SLIT2: variants seen among roughly 807,000 people sequenced by gnomAD.
The protein encoded by SLIT2 is slit homolog 2 protein.
Under a neutral mutation model 185.7 loss-of-function variants are expected in SLIT2, and 41 were observed. The ratio of observed to expected loss-of-function variants is 0.22; its 90% confidence interval spans 0.17 to 0.29. SLIT2 has a LOEUF of 0.29. Among genes scored for constraint, SLIT2 ranks in the 10% least tolerant of loss-of-function variants. SLIT2 has a pLI of 1.00. For missense variants in SLIT2, 1,571 were observed against 1,909.0 expected (o/e 0.82, Z 3.30); for synonymous variants, 693 against 680.2 (o/e 1.02, Z -0.29).
rs1727997990 is a variant in SLIT2, at chr4:20,596,562, T to C, written c.3468T>C (p.Cys1156=). Residue 1156 remains cysteine (C), a synonymous_variant, in exon 32 of 37, where the codon TGT becomes TGC. Transcript: ENST00000504154. ...TGCCTGGCTATCAGGGAGAAAAGTG[T>C]GAAAAATTGGTTAGTGTGAATTTTA... ...QCLPGYQGEK[C]EKLVSVNFIN... is the part of the protein sequence containing the mutation. 3 of 1,614,060 alleles carry C rather than the reference T, an allele frequency of 1.9e-6. No individual in the cohort carries two copies. The highest frequency in any genetic ancestry group is 2.7e-5 in the African/African-American group (2 of 75,036).
At chr4:20,424,814 C>T (rs1437467247) in intron 4 of SLIT2, among the ~76,000 whole-genome samples, 1 of 151,918 alleles carries the variant, frequency 6.6e-6, no homozygotes, top group African/African-American at 2.4e-5. Context: ...TCTATATATC[C>T]CTTAGTGGAT....
At chr4:20,296,349 A>G (rs1716475794) in intron 4 of SLIT2, among the ~76,000 whole-genome samples, 1 of 152,236 alleles carries the variant, frequency 6.6e-6, no homozygotes. Flanking sequence ...GTAATTTTTC[A>G]GTTACACAAA....
intron 4 of SLIT2, among the ~76,000 whole-genome samples, chr4:20,381,909 G>A (rs1365855455): frequency 7.7e-6 from 1 of 129,520 alleles, no homozygotes; most frequent in Non-Finnish European, 1.8e-5. Flanking sequence ...TAATACATAT[G>A]TATTTGTATA....
In SLIT2 at chr4:20,450,506, G is replaced by A. The variant is rs184388781; in HGVS notation, c.396-17246G>A. On this transcript the variant is annotated intron_variant, in intron 4 of 36. Transcript: ENST00000504154. Reference sequence around the variant, plus strand: ...CCATTGAAGTAGAAGGGACCCTTACGTTCTGCCAGAGAACACATGACTCAC... The same window carrying A: ...CCATTGAAGTAGAAGGGACCCTTACATTCTGCCAGAGAACACATGACTCAC... 1.7e-3 allele frequency among the ~76,000 whole-genome samples: 258 copies of A among 152,182 alleles called. 2 individuals are homozygous for A. The highest frequency in any genetic ancestry group is 5.7e-3 in the African/African-American group (237 of 41,522).
intron 4 of SLIT2, among the ~76,000 whole-genome samples, chr4:20,277,729 AG>A (rs1243106999): frequency 1.6e-4 from 24 of 147,864 alleles, no homozygotes; most frequent in East Asian, 1.0e-3. Flanking sequence ...TCATGATGAA[AG>A]ATTTTCATCA....
At chr4:20,617,219 A>C in intron 35 of SLIT2, 21 bp downstream of exon 35, 2 of 1,351,192 alleles carry the variant, frequency 1.5e-6, no homozygotes, top group Non-Finnish European at 2.0e-6. Flanking sequence ...GCTGCTTGGG[A>C]GTTGAGCACA....
chr4:20,368,431 A>G (rs1052532914), intron 4 of SLIT2, among the ~76,000 whole-genome samples: 2 of 151,888 alleles, frequency 1.3e-5, no homozygotes, highest in South Asian at 2.1e-4. Context: ...TCTAAGCACA[A>G]CTTTTTTTTG....
At chr4:20,373,784 G>C (rs1208796496) in intron 4 of SLIT2, among the ~76,000 whole-genome samples, 1 of 152,036 alleles carries the variant, frequency 6.6e-6, no homozygotes, top group Non-Finnish European at 1.5e-5. Context: ...CAATTCAAGA[G>C]CAATGATAAT....
intron 4 of SLIT2, among the ~76,000 whole-genome samples, chr4:20,329,717 AG>A (rs1462165864): frequency 6.6e-5 from 10 of 152,190 alleles, no homozygotes; most frequent in African/African-American, 2.4e-4. Context: ...TAACAGTCTA[AG>A]CTGATTTGAT....
At chr4:20,460,850 C>T (rs1459091245) in intron 4 of SLIT2, among the ~76,000 whole-genome samples, 1 of 152,124 alleles carries the variant, frequency 6.6e-6, no homozygotes, top group Non-Finnish European at 1.5e-5. Flanking sequence ...CAGAATTTTA[C>T]TAAATAACAG....
chr4:20,504,162 C>A (rs1718989871), intron 9 of SLIT2, among the ~76,000 whole-genome samples: 1 of 152,098 alleles, frequency 6.6e-6, no homozygotes, highest in African/African-American at 2.4e-5. Context: ...TAATCCTTAA[C>A]ATCAAAGAAA....
chr4:20,429,522 T>C (rs1178363745), intron 4 of SLIT2, among the ~76,000 whole-genome samples: 1 of 152,110 alleles, frequency 6.6e-6, no homozygotes, highest in Admixed American at 6.6e-5. Flanking sequence ...GAAGTAATGA[T>C]TACGTACACA....
intron 18 of SLIT2, among the ~76,000 whole-genome samples, chr4:20,536,132 T>C (rs1169677051): frequency 6.6e-6 from 1 of 152,210 alleles, no homozygotes; most frequent in Non-Finnish European, 1.5e-5. Context: ...TTTAAAATAC[T>C]TCACCTGTGT....
chr4:20,492,894 C>G (rs1351860508), intron 9 of SLIT2, among the ~76,000 whole-genome samples: 5 of 152,116 alleles, frequency 3.3e-5, no homozygotes, highest in Non-Finnish European at 7.4e-5. Flanking sequence ...TTTAAAGTAT[C>G]TACCATGTGC....
chr4:20,477,273 C>T (rs1030874582), intron 5 of SLIT2, among the ~76,000 whole-genome samples: 20 of 151,286 alleles, frequency 1.3e-4, no homozygotes, highest in Admixed American at 7.2e-4. Context: ...GCGATTTTGG[C>T]GCGCTGCAAC....
chr4:20,546,439 C>T (rs1159109290), intron 22 of SLIT2, among the ~76,000 whole-genome samples: 1 of 151,994 alleles, frequency 6.6e-6, no homozygotes, highest in Non-Finnish European at 1.5e-5. Flanking sequence ...AGATAGAAAA[C>T]GATGCCTTTA....
Position 20,617,082 on chromosome 4 carries a change from G to A in SLIT2, c.4020G>A (p.Val1340=). The A allele has an allele frequency of 6.2e-7, 1 of 1,614,148 alleles. No individual in the cohort carries two copies. Among genetic ancestry groups the A allele is most frequent in the South Asian group, 1.1e-5 (1 of 91,084 alleles). Residue 1340 remains valine, a synonymous_variant, in exon 35 of 37, where the codon GTG becomes GTA. Coordinates refer to ENST00000504154, the MANE Select transcript of SLIT2 (RefSeq NM_004787.4). ...GCTGTGAGCCATGCCACAAGAAGGT[G>A]TGTGCCCATGGCACATGCCAGCCCA... ...LPGCEPCHKK[V]CAHGTCQPSS...
intron 3 of SLIT2, among the ~76,000 whole-genome samples, chr4:20,267,084 A>C (rs1341743827): frequency 6.6e-6 from 1 of 151,948 alleles, no homozygotes; most frequent in African/African-American, 2.4e-5. Flanking sequence ...TTGCATTCCT[A>C]GAAAAAAATC....
chr4:20,263,008 G>A (rs1241970105), intron 3 of SLIT2, among the ~76,000 whole-genome samples: 1 of 151,696 alleles, frequency 6.6e-6, no homozygotes, highest in Non-Finnish European at 1.5e-5. Flanking sequence ...GTGTTTGCTG[G>A]ATGCCGTGTC....
Sources: gnomAD v4.1 joint callset for allele counts (sites outside exome capture counted in the v4.1 genomes callset) on GRCh38, gnomAD v4.1.1 for gene constraint, MANE v1.5 for transcripts, NCBI Gene and HGNC (gene_info 2026-07-23, HGNC 2026-07-21) for gene names.